Variants in ARHGEF4 observed in about 807,000 individuals in gnomAD.
ARHGEF4 encodes APC-stimulated guanine nucleotide exchange factor 1.
In ARHGEF4, 119 loss-of-function variants were observed where a neutral mutation model predicts 162.0. The ratio of observed to expected loss-of-function variants is 0.73; its 90% confidence interval spans 0.63 to 0.86. The LOEUF is 0.86. Ranked by LOEUF, ARHGEF4 falls within the 40% of genes least tolerant of loss-of-function variation. The pLI, the probability that ARHGEF4 is intolerant of heterozygous loss-of-function variation, is 0.00. For synonymous variants in ARHGEF4, 1,014 were observed against 979.9 expected (o/e 1.03, Z -0.65); for missense variants, 2,488 against 2,456.0 (o/e 1.01, Z -0.28).
intron 1 of ARHGEF4, among the ~76,000 whole-genome samples, chr2:130,905,209 C>G (rs1225920915): frequency 6.6e-6 from 1 of 152,056 alleles, no homozygotes; most frequent in African/African-American, 2.4e-5. Flanking sequence ...TTCTAAGTAG[C>G]CCTTATAAAT....
At position 131,014,378 on chromosome 2, in the gene ARHGEF4, A is replaced by C. The variant is rs540571691; in HGVS notation, c.3986-13567A>C. 3.9e-5 allele frequency among the ~76,000 whole-genome samples: 6 copies of C among 152,296 alleles called. No homozygotes were observed. The South Asian group carries it at 1.2e-3, about 32-fold the overall frequency. On this transcript the variant is annotated intron_variant, in intron 4 of 13. Coordinates refer to ENST00000409359, the MANE Select transcript of ARHGEF4 (RefSeq NM_001367493.1). Reference sequence around the variant, plus strand: ...GCCATGTTTTATGTAATTACTTTTTAAAGTAATTGTGACCACAAAGTCTTG... The same window carrying C: ...GCCATGTTTTATGTAATTACTTTTTCAAGTAATTGTGACCACAAAGTCTTG...
Position 130,916,161 on chromosome 2 carries a change from G to A in ARHGEF4, c.2215G>A (p.Gly739Arg), listed in dbSNP as rs980109826. 2.6e-6 allele frequency: 4 copies of A among 1,548,916 alleles called. No individual in the cohort carries two copies. The Admixed American group carries it at 7.8e-5, about 30-fold the overall frequency. Residue 739 changes from glycine to arginine, a missense_variant, in exon 2 of 14, where the codon GGG becomes AGG. Transcript: ENST00000409359. ...GGAGCCCCCGGGAGAGAGACTGCGT[G>A]GGGAGAGCCGGAGCTCCGGGTCAGG... ...TEEPPGERLR[G>R]ESRSSGSGER...
intron 4 of ARHGEF4, among the ~76,000 whole-genome samples, chr2:130,950,729 C>T (rs1424222484): frequency 6.8e-6 from 1 of 147,330 alleles, no homozygotes; most frequent in Non-Finnish European, 1.5e-5. Flanking sequence ...TACTTCCTGT[C>T]TCTGTAAATT....
chr2:130,953,880 A>G (rs1272745663), intron 4 of ARHGEF4, among the ~76,000 whole-genome samples: 1 of 152,218 alleles, frequency 6.6e-6, no homozygotes, highest in African/African-American at 2.4e-5. Flanking sequence ...TTAGAATGGC[A>G]ATCATTAAAA....
chr2:130,837,323 C>T, intron 1 of ARHGEF4: 1 of 351,068 alleles, frequency 2.8e-6, no homozygotes, highest in Non-Finnish European at 5.2e-6. Context: ...GCGGGGCACT[C>T]GGAGCCGCTG....
intron 4 of ARHGEF4, among the ~76,000 whole-genome samples, chr2:131,005,579 C>G (rs1287574798): frequency 6.6e-6 from 1 of 152,182 alleles, no homozygotes; most frequent in Non-Finnish European, 1.5e-5. Flanking sequence ...AGCTGGGACC[C>G]TGGAGATGCT....
At chr2:131,009,702 A>G (rs1257753670) in intron 4 of ARHGEF4, among the ~76,000 whole-genome samples, 1 of 152,156 alleles carries the variant, frequency 6.6e-6, no homozygotes, top group Non-Finnish European at 1.5e-5. Flanking sequence ...ATTCTTTGTT[A>G]TAATGTCCAT....
At chr2:130,881,304 G>T (rs532480819) in intron 1 of ARHGEF4, among the ~76,000 whole-genome samples, 1 of 152,310 alleles carries the variant, frequency 6.6e-6, no homozygotes, top group African/African-American at 2.4e-5. Flanking sequence ...ATGAGCCACC[G>T]CGCCCTGCAA....
At chr2:130,898,957 A>G (rs1680323762) in intron 1 of ARHGEF4, among the ~76,000 whole-genome samples, 1 of 152,104 alleles carries the variant, frequency 6.6e-6, no homozygotes, top group Admixed American at 6.5e-5. Context: ...CATGCAGCTC[A>G]TATTCCCAGC....
At position 130,845,118 on chromosome 2, in the gene ARHGEF4, G is replaced by A. The variant is rs982624559; in HGVS notation, c.39+8126G>A. On this transcript the variant is annotated intron_variant, in intron 1 of 13. Transcript: ENST00000409359. ...ATTACAGGCGTGAGCCACCCGGCCC[G>A]CTATATTTTACTTATAACCAGTGGG... Among the ~76,000 whole-genome samples, 80 of 149,196 alleles carry A rather than the reference G, an allele frequency of 5.4e-4. 1 individual carries two copies. Among genetic ancestry groups the A allele is most frequent in the Non-Finnish European group, 8.5e-4 (57 of 67,250 alleles).
intron 4 of ARHGEF4, among the ~76,000 whole-genome samples, chr2:130,992,945 G>A (rs564818319): frequency 6.6e-6 from 1 of 152,274 alleles, no homozygotes; most frequent in African/African-American, 2.4e-5. Flanking sequence ...TAAGGCAGGC[G>A]TGATTGTGCA....
In ARHGEF4 at chr2:130,914,752, C is replaced by A; in HGVS notation, c.806C>A (p.Thr269Lys). 2 of 1,425,804 alleles carry A rather than the reference C, an allele frequency of 1.4e-6. No individual in the cohort carries two copies. Among genetic ancestry groups the A allele is most frequent in the South Asian group, 3.1e-5 (2 of 63,518 alleles). 88.3% of individuals were successfully genotyped at this position (1,425,804 alleles called of 1,614,324 possible). Reference sequence around the variant, plus strand: ...AACACAGCCCCTCTGGGGACCAGGACAAAGAAGGAAAGTACTCTAGGCCCT... The same window carrying A: ...AACACAGCCCCTCTGGGGACCAGGAAAAAGAAGGAAAGTACTCTAGGCCCT... ...LDNTAPLGTR[T>K]KKESTLGPAG... The change falls in exon 2 of 14, where the codon ACA becomes AAA. Residue 269 changes from threonine to lysine, a missense_variant. Thr to Lys is a moderately conservative substitution (Grantham distance 78). Around this residue, in one of 6 missense-constraint regions of ARHGEF4, gnomAD observed 1,642 missense variants for 1,481.5 expected, o/e 1.11. Coordinates refer to ENST00000409359, the MANE Select transcript of ARHGEF4 (RefSeq NM_001367493.1).
At chr2:131,035,013 C>T (rs1690136109) in intron 5 of ARHGEF4, 5 of 986,260 alleles carry the variant, frequency 5.1e-6, no homozygotes, top group Admixed American at 1.2e-4. Flanking sequence ...CGCCCCGCCT[C>T]TCCCCGGGCG....
chr2:130,894,607 T>C (rs1680049016), intron 1 of ARHGEF4, among the ~76,000 whole-genome samples: 1 of 152,220 alleles, frequency 6.6e-6, no homozygotes, highest in African/African-American at 2.4e-5. Flanking sequence ...TGCATTTTTG[T>C]TTGCTTGCAT....
intron 1 of ARHGEF4, among the ~76,000 whole-genome samples, chr2:130,865,439 C>T (rs1170868617): frequency 2.0e-5 from 3 of 152,318 alleles, no homozygotes; most frequent in South Asian, 4.1e-4. Flanking sequence ...GTTTCCAGAA[C>T]GGTGCTGAGC....
At chr2:130,885,268 G>A (rs1679440809) in intron 1 of ARHGEF4, among the ~76,000 whole-genome samples, 1 of 152,086 alleles carries the variant, frequency 6.6e-6, no homozygotes, top group Non-Finnish European at 1.5e-5. Flanking sequence ...AAAGTCAACA[G>A]GGTTGAATAC....
intron 1 of ARHGEF4, among the ~76,000 whole-genome samples, chr2:130,894,087 G>A (rs911624455): frequency 1.3e-5 from 2 of 152,254 alleles, no homozygotes; most frequent in African/African-American, 4.8e-5. Flanking sequence ...AGTGGGTACA[G>A]TTTCAGAATT....
chr2:130,922,406 C>T (rs566684100), intron 2 of ARHGEF4, among the ~76,000 whole-genome samples: 3 of 151,808 alleles, frequency 2.0e-5, no homozygotes, highest in Non-Finnish European at 4.4e-5. Context: ...GCACAGAAGT[C>T]GAGGACTGCA....
intron 2 of ARHGEF4, among the ~76,000 whole-genome samples, chr2:130,924,408 A>C (rs893617613): frequency 6.6e-6 from 1 of 151,390 alleles, no homozygotes; most frequent in African/African-American, 2.4e-5. Context: ...CTGGGATTAC[A>C]GGCACCCGCC....
Sources: allele counts gnomAD v4.1 joint callset (sites outside exome capture counted in the v4.1 genomes callset), GRCh38; gene constraint gnomAD v4.1.1; regional missense constraint gnomAD v4.1.1; transcripts MANE v1.5; gene names NCBI Gene and HGNC (gene_info 2026-07-23, HGNC 2026-07-21).